The following CHST11 variants were observed in gnomAD, a reference collection of about 807,000 sequenced individuals.
The protein encoded by CHST11 is carbohydrate sulfotransferase 11.
A neutral mutation model predicts 30.4 loss-of-function variants in CHST11; 9 were observed. That is an observed-to-expected ratio of 0.30 (90% CI 0.18 to 0.52). The LOEUF (loss-of-function observed/expected upper bound fraction) is 0.52. CHST11 is among the 20% of genes least tolerant of loss of function. CHST11 has a pLI of 0.97. For synonymous variants in CHST11, 152 were observed against 187.8 expected, an observed-to-expected ratio of 0.81 and a Z score of 1.56; for missense variants, 348 against 460.6, an observed-to-expected ratio of 0.76 and a Z score of 2.24.
chr12:104,606,662 G>C (rs765938759), intron 2 of CHST11, among the ~76,000 whole-genome samples: 8 of 152,142 alleles, frequency 5.3e-5, no homozygotes, highest in Non-Finnish European at 8.8e-5. Context: ...GCTTCCTTGA[G>C]ATTCTCTTTC....
chr12:104,507,937 T>C, intron 1 of CHST11, among the ~76,000 whole-genome samples: 1 of 152,206 alleles, frequency 6.6e-6, no homozygotes, highest in East Asian at 1.9e-4. Context: ...AGGATGGCAC[T>C]GCAGAGTCAC....
At chr12:104,707,053 A>C (rs1367477407) in intron 2 of CHST11, among the ~76,000 whole-genome samples, 2 of 152,174 alleles carry the variant, frequency 1.3e-5, no homozygotes, top group African/African-American at 2.4e-5. Flanking sequence ...TCTCAGTGCA[A>C]CTGTCACCTC....
chr12:104,488,556 T>C (rs1004051846), intron 1 of CHST11, among the ~76,000 whole-genome samples: 5 of 143,710 alleles, frequency 3.5e-5, no homozygotes, highest in Admixed American at 2.8e-4. Flanking sequence ...TGCGTGTATG[T>C]GTGTGTATGC....
intron 2 of CHST11, among the ~76,000 whole-genome samples, chr12:104,677,874 C>G (rs928493445): frequency 6.6e-6 from 1 of 152,190 alleles, no homozygotes; most frequent in African/African-American, 2.4e-5. Context: ...AGCCTCTTGG[C>G]CCACATTCCT....
intron 2 of CHST11, among the ~76,000 whole-genome samples, chr12:104,606,455 G>A (rs750168202): frequency 8.5e-5 from 13 of 152,076 alleles, no homozygotes; most frequent in African/African-American, 2.2e-4. Context: ...TTTTTCACAC[G>A]TCTCATGGAA....
intron 1 of CHST11, among the ~76,000 whole-genome samples, chr12:104,585,071 G>T (rs1334691123): frequency 3.3e-5 from 5 of 152,202 alleles, no homozygotes; most frequent in Non-Finnish European, 7.3e-5. Flanking sequence ...TAAAAATATG[G>T]AAATGAAATA....
chr12:104,509,016 A>G (rs2374399), intron 1 of CHST11, among the ~76,000 whole-genome samples: 21,230 of 152,012 alleles, frequency 0.14, 1,689 homozygotes, highest in East Asian at 0.34. Context: ...CACCCCTGCC[A>G]GGTTATCTTC....
At chr12:104,513,123 T>G (rs1210908228) in intron 1 of CHST11, among the ~76,000 whole-genome samples, 1 of 3,390 alleles carries the variant, frequency 2.9e-4, no homozygotes, top group African/African-American at 1.5e-3. Context: ...ATGTCATGAC[T>G]GGGGGGGGGG....
intron 2 of CHST11, among the ~76,000 whole-genome samples, chr12:104,699,924 C>T (rs1201080958): frequency 6.6e-6 from 1 of 152,190 alleles, no homozygotes; most frequent in African/African-American, 2.4e-5. Context: ...TGCAATCCTT[C>T]CCCAAATCTC....
intron 1 of CHST11, among the ~76,000 whole-genome samples, chr12:104,594,952 CAT>C (rs1592784460): frequency 1.3e-5 from 2 of 152,114 alleles, no homozygotes; most frequent in Admixed American, 1.3e-4. Flanking sequence ...GTCTCAAAAA[CAT>C]AAAAAATAAA....
chr12:104,541,339 G>A (rs2038285898), intron 1 of CHST11, among the ~76,000 whole-genome samples: 1 of 152,102 alleles, frequency 6.6e-6, no homozygotes, highest in Non-Finnish European at 1.5e-5. Flanking sequence ...AGTCTGGCTT[G>A]ACATCCCTTT....
chr12:104,745,824 TAAG>T (rs2040385246), intron 2 of CHST11, among the ~76,000 whole-genome samples: 2 of 152,214 alleles, frequency 1.3e-5, no homozygotes, highest in Admixed American at 6.5e-5. Context: ...TTTATCAGCT[TAAG>T]AAGCTTTTGG....
chr12:104,575,274 C>T (rs2038673315), intron 1 of CHST11, among the ~76,000 whole-genome samples: 1 of 152,038 alleles, frequency 6.6e-6, no homozygotes, highest in Non-Finnish European at 1.5e-5. Context: ...TTGTGTTTGC[C>T]CTAAACAGGA....
intron 2 of CHST11, among the ~76,000 whole-genome samples, chr12:104,720,812 C>T (rs114522355): frequency 1.3e-5 from 2 of 152,236 alleles, no homozygotes; most frequent in African/African-American, 2.4e-5. Context: ...CAGGAAATGT[C>T]GTCTACCGTG....
Position 104,506,706 on chromosome 12 carries a change from T to C in CHST11, c.118+49177T>C, listed in dbSNP as rs116101912. On this transcript the variant is annotated intron_variant, in intron 1 of 2. Transcript: ENST00000303694. ...ACAGAGATGGAAACTTCGCAGGAAA[T>C]GTTCCCCAGGCGGGAGGGCTAAGAG... is the stretch of plus-strand genomic sequence containing the variant. 7.6e-3 allele frequency among the ~76,000 whole-genome samples: 1,158 copies of C among 152,252 alleles called. 17 individuals are homozygous for C. The highest frequency in any genetic ancestry group is 0.026 in the African/African-American group (1,090 of 41,528).
At position 104,593,412 on chromosome 12, in the gene CHST11, A is replaced by G. The variant is rs142484895; in HGVS notation, c.119-8494A>G. Among the ~76,000 whole-genome samples, 56 of 152,290 alleles carry G rather than the reference A, an allele frequency of 3.7e-4. 1 individual carries two copies. The highest frequency in any genetic ancestry group is 1.4e-3 in the Admixed American group (21 of 15,284). On this transcript the variant is annotated intron_variant, in intron 1 of 2. Coordinates refer to ENST00000303694, the MANE Select transcript of CHST11 (RefSeq NM_018413.6). ...GAAGGAATGGGAAGTTGGAAAACTTAAGTTTGATAATGGCATGAATGACAG... is the reference window on the plus strand; with the variant it reads ...GAAGGAATGGGAAGTTGGAAAACTTGAGTTTGATAATGGCATGAATGACAG...
intron 2 of CHST11, among the ~76,000 whole-genome samples, chr12:104,756,562 T>TGTGTGTGTGTGTGTGTGTGTGTG (rs764699955): frequency 6.6e-6 from 1 of 151,588 alleles, no homozygotes; most frequent in Non-Finnish European, 1.5e-5. Flanking sequence ...TGTGTGTGTG[T>TGTGTGTGTGTGTGTGTGTGTGTG]TTAGAGACAG....
intron 1 of CHST11, among the ~76,000 whole-genome samples, chr12:104,572,142 C>T (rs1176169148): frequency 2.6e-5 from 4 of 151,632 alleles, no homozygotes; most frequent in African/African-American, 4.9e-5. Flanking sequence ...ATTTTTGCAT[C>T]GATGTTCATC....
At chr12:104,524,983 A>G (rs1469198038) in intron 1 of CHST11, among the ~76,000 whole-genome samples, 1 of 152,216 alleles carries the variant, frequency 6.6e-6, no homozygotes, top group African/African-American at 2.4e-5. Context: ...ATAACTCGGC[A>G]TAGTGTAAGT....
Sources: allele counts gnomAD v4.1 joint callset (sites outside exome capture counted in the v4.1 genomes callset), GRCh38; gene constraint gnomAD v4.1.1; transcripts MANE v1.5; gene names NCBI Gene and HGNC (gene_info 2026-07-23, HGNC 2026-07-21).